The following PDE4D variants were observed in gnomAD, a reference collection of about 807,000 sequenced individuals.
The protein encoded by PDE4D is 3',5'-cyclic-AMP phosphodiesterase 4D.
Under a neutral mutation model 87.4 loss-of-function variants are expected in PDE4D, and 24 were observed. That is an observed-to-expected ratio of 0.27 (90% CI 0.20 to 0.39). The LOEUF (loss-of-function observed/expected upper bound fraction) is 0.39, where lower values mean the gene tolerates loss of function less well. Among genes scored for constraint, PDE4D ranks in the 10% least tolerant of loss-of-function variants. The pLI is 1.00. For synonymous variants in PDE4D, 384 were observed against 383.2 expected (o/e 1.00, Z -0.02); for missense variants, 714 against 1,041.0 (o/e 0.69, Z 4.32).
chr5:59,288,823 T>C (rs1202497077), intron 1 of PDE4D, among the ~76,000 whole-genome samples: 1 of 152,060 alleles, frequency 6.6e-6, no homozygotes, highest in Non-Finnish European at 1.5e-5. Context: ...AAAACTTTTA[T>C]CTCAGGCTAG....
At chr5:59,554,720 GA>G (rs1214613946) in intron 1 of PDE4D, among the ~76,000 whole-genome samples, 3 of 152,140 alleles carry the variant, frequency 2.0e-5, no homozygotes, top group Non-Finnish European at 2.9e-5. Context: ...ACGACTGGAG[GA>G]ATCTCAGTCA....
At chr5:60,069,261 T>C (rs1772452908) in intron 2 of PDE4D, among the ~76,000 whole-genome samples, 1 of 152,126 alleles carries the variant, frequency 6.6e-6, no homozygotes. Context: ...ACAGAGATGA[T>C]TAGGTCATAA....
chr5:59,496,392 G>A (rs1807196424), intron 1 of PDE4D, among the ~76,000 whole-genome samples: 1 of 152,156 alleles, frequency 6.6e-6, no homozygotes, highest in Non-Finnish European at 1.5e-5. Flanking sequence ...CCCAAAGGCT[G>A]GAGTGCCTGT....
At chr5:59,727,290 GCTC>G (rs960982369) in intron 1 of PDE4D, among the ~76,000 whole-genome samples, 8 of 152,050 alleles carry the variant, frequency 5.3e-5, no homozygotes, top group Non-Finnish European at 1.0e-4. Flanking sequence ...TTGAGTCTCA[GCTC>G]CTGTCAATTT....
At chr5:59,879,768 T>A (rs1398333864) in intron 1 of PDE4D, among the ~76,000 whole-genome samples, 1 of 152,248 alleles carries the variant, frequency 6.6e-6, no homozygotes, top group Admixed American at 6.5e-5. Context: ...GAGACGAAAG[T>A]CTCGCTCTGT....
chr5:59,787,431 C>T (rs1403240144), intron 1 of PDE4D, among the ~76,000 whole-genome samples: 1 of 152,158 alleles, frequency 6.6e-6, no homozygotes, highest in Non-Finnish European at 1.5e-5. Flanking sequence ...CTTTCTTCAC[C>T]TCTCAAACAG....
At chr5:60,401,017 C>T (rs1054920265) in intron 1 of PDE4D, among the ~76,000 whole-genome samples, 1 of 152,128 alleles carries the variant, frequency 6.6e-6, no homozygotes, top group Non-Finnish European at 1.5e-5. Context: ...AAAACAGAGC[C>T]AGTTTTTGCA....
At chr5:60,341,624 A>G (rs6865762) in intron 1 of PDE4D, among the ~76,000 whole-genome samples, 33,923 of 148,000 alleles carry the variant, frequency 0.23, 5,998 homozygotes, top group African/African-American at 0.51. Context: ...TTTCATACTT[A>G]CTACCTTGTT....
chr5:59,642,809 A>C (rs1580101917), intron 1 of PDE4D, among the ~76,000 whole-genome samples: 1 of 68,428 alleles, frequency 1.5e-5, no homozygotes, highest in African/African-American at 3.4e-5. Context: ...GAAGTCTTAT[A>C]AAAAATTTGT....
At chr5:58,999,671 A>G in intron 6 of PDE4D, 1 of 1,117,580 alleles carries the variant, frequency 8.9e-7, no homozygotes. Flanking sequence ...GATTTTTGGT[A>G]ATTAAGTATA....
chr5:60,096,957 G>A (rs137986924), intron 2 of PDE4D, among the ~76,000 whole-genome samples: 69 of 152,006 alleles, frequency 4.5e-4, no homozygotes, highest in South Asian at 1.7e-3. Flanking sequence ...CATTAAAATG[G>A]GTATTTCTTC....
At position 60,485,132 on chromosome 5, in the gene PDE4D, G is replaced by C. The variant is rs539388964; in HGVS notation, c.-90+2810C>G. On this transcript the variant is annotated intron_variant, in intron 1 of 16. Coordinates refer to the PDE4D transcript ENST00000502484. ...AAAGCTCCTCTTCTACCAGTGTCTA[G>C]CTCCACAAAAGGAGGGACTTAAAGA... Among the ~76,000 whole-genome samples, 8 of 152,236 alleles carry C rather than the reference G, an allele frequency of 5.3e-5. No individual in the cohort carries two copies. In the South Asian group the frequency reaches 1.7e-3, roughly 32 times the overall value.
intron 5 of PDE4D, among the ~76,000 whole-genome samples, chr5:59,156,331 A>ATATATATATATATATATATGTG (rs1384479557): frequency 1.6e-5 from 2 of 122,768 alleles, no homozygotes; most frequent in Admixed American, 8.3e-5. Flanking sequence ...ATATATATAT[A>ATATATATATATATATATATGTG]TGTGTGTGTG....
chr5:58,978,205 A>G (rs1744261062), intron 11 of PDE4D, among the ~76,000 whole-genome samples: 1 of 150,498 alleles, frequency 6.6e-6, no homozygotes, highest in Non-Finnish European at 1.5e-5. Flanking sequence ...GCTTAAGCCC[A>G]GGAGTTCAAG....
rs1366029481 is a variant in PDE4D at position 59,771,465 on chromosome 5, GAA to G, written c.455+121701_455+121702del. Among the ~76,000 whole-genome samples the G allele has an allele frequency of 5.8e-3, 427 of 73,100 alleles. 2 individuals carry two copies. The highest frequency in any genetic ancestry group is 0.024 in the African/African-American group (405 of 17,008). The allele number at this position is 73,100 out of a possible 152,430, so 48.0% of individuals were successfully genotyped here. The stretch of plus-strand genomic sequence containing the variant: ...AGAAAGAAAGAAAGAAAGAAAGAAA[GAA>G]AGAAAGAAAGAAAGAAAGAGAGAGA... On this transcript the variant is annotated intron_variant, in intron 1 of 14. Coordinates refer to ENST00000340635, the MANE Select transcript of PDE4D (RefSeq NM_001104631.2).
chr5:60,303,695 G>A (rs1302862083), intron 1 of PDE4D, among the ~76,000 whole-genome samples: 2 of 152,264 alleles, frequency 1.3e-5, no homozygotes, highest in African/African-American at 2.4e-5. Context: ...TTGCATTTGC[G>A]AGGCGTGTTT....
At chr5:58,980,409 C>G (rs1403409536) in intron 11 of PDE4D, among the ~76,000 whole-genome samples, 1 of 152,122 alleles carries the variant, frequency 6.6e-6, no homozygotes. Context: ...AAAACCTGAG[C>G]AGTGAACACT....
intron 1 of PDE4D, among the ~76,000 whole-genome samples, chr5:60,517,191 G>A (rs763650302): frequency 2.0e-5 from 3 of 152,202 alleles, no homozygotes; most frequent in Admixed American, 6.5e-5. Flanking sequence ...CTGTTGCCTC[G>A]GCCCCCTCCA....
At chr5:59,443,415 CTTTA>C (rs528846765) in intron 1 of PDE4D, among the ~76,000 whole-genome samples, 1 of 152,098 alleles carries the variant, frequency 6.6e-6, no homozygotes, top group Non-Finnish European at 1.5e-5. Context: ...TATGTTTGCA[CTTTA>C]TTTTTTATTT....
Sources: gnomAD v4.1 joint callset for allele counts (sites outside exome capture counted in the v4.1 genomes callset) on GRCh38, gnomAD v4.1.1 for gene constraint, MANE v1.5 for transcripts, NCBI Gene and HGNC (gene_info 2026-07-23, HGNC 2026-07-21) for gene names.